The following MARK1 variants were observed in gnomAD, a reference collection of about 807,000 sequenced individuals.
MARK1 encodes microtubule affinity regulating kinase 1, also known as serine/threonine-protein kinase MARK1.
Under a neutral mutation model 96.3 loss-of-function variants are expected in MARK1, and 40 were observed. The ratio of observed to expected loss-of-function variants is 0.42; its 90% confidence interval spans 0.32 to 0.54. The LOEUF is 0.54. MARK1 is among the 20% of genes least tolerant of loss of function. MARK1 has a pLI of 0.16. For missense variants in MARK1, 719 were observed against 984.6 expected (o/e 0.73, Z 3.61); for synonymous variants, 317 against 341.2 (o/e 0.93, Z 0.78).
intron 9 of MARK1, chr1:220,627,484 C>G (rs1276458245): frequency 2.4e-6 from 1 of 415,738 alleles, no homozygotes; most frequent in East Asian, 7.1e-5. Flanking sequence ...TGCCAAGTCC[C>G]CTGCCTTTCT....
rs1295708926 is a variant in MARK1 at position 220,661,975 on chromosome 1, G to A, written c.2197G>A (p.Glu733Lys). ...GTTAGATGCAAATAACTGTGATTAT[G>A]AGCAAAAAGAGAGATTTTTGCTTTT... ...KVLDANNCDYEQKERFLLFCV... is the reference protein window; with the variant it reads ...KVLDANNCDYKQKERFLLFCV... Residue 733 changes from glutamate (E) to lysine (K), a missense_variant, in exon 18 of 18, where the codon GAG becomes AAG. Coordinates refer to ENST00000366917, the MANE Select transcript of MARK1 (RefSeq NM_018650.5). The A allele has an allele frequency of 6.2e-7, 1 of 1,614,168 alleles. No individual in the cohort carries two copies. Among genetic ancestry groups the A allele is most frequent in the East Asian group, 2.2e-5 (1 of 44,886 alleles).
At chr1:220,590,638 T>TG (rs1336404647) in intron 3 of MARK1, among the ~76,000 whole-genome samples, 1 of 152,162 alleles carries the variant, frequency 6.6e-6, no homozygotes, top group African/African-American at 2.4e-5. Flanking sequence ...AGCTGACAAT[T>TG]CAAGTGTTTC....
chr1:220,633,486 A>G (rs1427857852), intron 11 of MARK1, among the ~76,000 whole-genome samples: 2 of 152,204 alleles, frequency 1.3e-5, no homozygotes, highest in Non-Finnish European at 2.9e-5. Context: ...TGTACCAGAA[A>G]CGATGCTGTG....
Position 220,653,181 on chromosome 1 carries a change from G to A in MARK1, c.1817G>A (p.Arg606Gln). The change falls in exon 16 of 18, where the codon CGA becomes CAA. Residue 606 changes from arginine (R) to glutamine (Q), a missense_variant. By Grantham distance (43) the Arg-to-Gln change is conservative (BLOSUM62 1). Coordinates refer to ENST00000366917, the MANE Select transcript of MARK1 (RefSeq NM_018650.5). Reference sequence around the variant, plus strand: ...ACTCCAGACCGGACCCGTTTTCCCCGAGGGAGCTCAAGCCGAAGCACTTTC... The same window carrying A: ...ACTCCAGACCGGACCCGTTTTCCCCAAGGGAGCTCAAGCCGAAGCACTTTC... ...TATPDRTRFP[R>Q]GSSSRSTFHG... 3 of 1,614,186 alleles carry A rather than the reference G, an allele frequency of 1.9e-6. No homozygotes were observed. The highest frequency in any genetic ancestry group is 1.3e-5 in the African/African-American group (1 of 75,046).
At chr1:220,583,694 G>A (rs2102852262) in intron 3 of MARK1, among the ~76,000 whole-genome samples, 1 of 151,308 alleles carries the variant, frequency 6.6e-6, no homozygotes, top group African/African-American at 2.4e-5. Flanking sequence ...TGTTGCCCAG[G>A]CTGGAGTGCA....
chr1:220,619,271 G>A (rs1269088002), intron 9 of MARK1, among the ~76,000 whole-genome samples: 7 of 152,240 alleles, frequency 4.6e-5, no homozygotes, highest in Middle Eastern at 6.8e-3. Context: ...TCAGGAGATT[G>A]AGACCATCCT....
intron 1 of MARK1, among the ~76,000 whole-genome samples, chr1:220,561,524 G>A (rs947536845): frequency 6.6e-6 from 1 of 151,838 alleles, no homozygotes; most frequent in Non-Finnish European, 1.5e-5. Context: ...TTACTTAGAG[G>A]GATACATGAA....
At chr1:220,631,479 A>G (rs1667676629) in intron 10 of MARK1, among the ~76,000 whole-genome samples, 1 of 152,188 alleles carries the variant, frequency 6.6e-6, no homozygotes, top group African/African-American at 2.4e-5. Flanking sequence ...ATGTATTTTA[A>G]CCAAAGACAT....
chr1:220,597,900 G>T (rs1266873874), intron 3 of MARK1, among the ~76,000 whole-genome samples: 1 of 152,116 alleles, frequency 6.6e-6, no homozygotes, highest in Non-Finnish European at 1.5e-5. Context: ...TAAAATGTCT[G>T]ATCAGTCAGA....
intron 7 of MARK1, among the ~76,000 whole-genome samples, chr1:220,617,103 A>C (rs1444249008): frequency 1.3e-5 from 2 of 152,152 alleles, no homozygotes; most frequent in African/African-American, 4.8e-5. Flanking sequence ...ATTTACAATG[A>C]CCAGCCCCTT....
intron 13 of MARK1, among the ~76,000 whole-genome samples, chr1:220,638,304 C>G (rs1199121894): frequency 2.0e-5 from 3 of 152,104 alleles, no homozygotes; most frequent in Non-Finnish European, 2.9e-5. Flanking sequence ...ATCTCCATGT[C>G]TGTCTTTATG....
intron 17 of MARK1, among the ~76,000 whole-genome samples, chr1:220,660,285 G>A (rs1172942887): frequency 6.6e-6 from 1 of 152,080 alleles, no homozygotes; most frequent in African/African-American, 2.4e-5. Context: ...TAGAGAACAC[G>A]ATGAAGTAAA....
intron 9 of MARK1, chr1:220,627,238 C>T (rs1483083720): frequency 6.2e-6 from 3 of 485,304 alleles, no homozygotes; most frequent in Non-Finnish European, 8.3e-6. Context: ...CTCTGACAAA[C>T]GAATTGCCTG....
At chr1:220,591,001 C>T (rs748221774) in intron 3 of MARK1, among the ~76,000 whole-genome samples, 1 of 152,102 alleles carries the variant, frequency 6.6e-6, no homozygotes, top group Non-Finnish European at 1.5e-5. Context: ...ACGTCTTTTT[C>T]TTGCTTCTTC....
At chr1:220,566,123 A>G (rs1473451459) in intron 1 of MARK1, among the ~76,000 whole-genome samples, 2 of 152,218 alleles carry the variant, frequency 1.3e-5, no homozygotes, top group African/African-American at 2.4e-5. Context: ...TTAGGATTAA[A>G]TAATATAATG....
chr1:220,594,350 G>A (rs1375196890), intron 3 of MARK1, among the ~76,000 whole-genome samples: 1 of 152,208 alleles, frequency 6.6e-6, no homozygotes, highest in African/African-American at 2.4e-5. Context: ...TATTAGAATA[G>A]CAGAAGTCCA....
chr1:220,626,442 C>CT (rs1404616045), intron 9 of MARK1: 1 of 543,190 alleles, frequency 1.8e-6, no homozygotes, highest in Non-Finnish European at 3.7e-6. Context: ...ACGACAAGTC[C>CT]TATGAGGCCA....
chr1:220,592,187 A>G (rs966889951), intron 3 of MARK1, among the ~76,000 whole-genome samples: 4 of 149,844 alleles, frequency 2.7e-5, no homozygotes, highest in Non-Finnish European at 5.9e-5. Flanking sequence ...CAATAGGGAA[A>G]AGGTGATGGA....
intron 9 of MARK1, among the ~76,000 whole-genome samples, chr1:220,624,328 G>T (rs946434458): frequency 7.0e-6 from 1 of 143,010 alleles, no homozygotes; most frequent in Non-Finnish European, 1.5e-5. Flanking sequence ...GGTTGGGCAC[G>T]GTGGTTCACA....
Sources: allele counts gnomAD v4.1 joint callset (sites outside exome capture counted in the v4.1 genomes callset), GRCh38; gene constraint gnomAD v4.1.1; transcripts MANE v1.5; gene names NCBI Gene and HGNC (gene_info 2026-07-23, HGNC 2026-07-21).